ANGPT4: variants seen among roughly 807,000 people sequenced by gnomAD.
The protein encoded by ANGPT4 is angiopoietin 4.
A neutral mutation model predicts 53.0 loss-of-function variants in ANGPT4; 50 were observed. The ratio of observed to expected loss-of-function variants is 0.94; its 90% CI spans 0.75 to 1.20. The LOEUF (loss-of-function observed/expected upper bound fraction) is 1.20. ANGPT4 is among the 50% of genes most tolerant of loss of function. The probability of loss-of-function intolerance (pLI) is 0.00; values close to 1 mark genes in which losing one functional copy is unlikely to be tolerated. For synonymous variants in ANGPT4, 251 were observed against 259.7 expected, an observed-to-expected ratio of 0.97 and a Z score of 0.32; for missense variants, 648 against 637.1, an observed-to-expected ratio of 1.02 and a Z score of -0.18.
intron 4 of ANGPT4, among the ~76,000 whole-genome samples, chr20:883,976 G>A (rs1408360699): frequency 4.6e-5 from 7 of 152,220 alleles, no homozygotes; most frequent in Admixed American, 4.6e-4. Flanking sequence ...AGCCAGGGTG[G>A]AATCTTCTGC....
Position 873,080 on chromosome 20 carries a change from G to A in ANGPT4, c.1392C>T (p.Gly464=), listed in dbSNP as rs151182174. ...FDACGLSNLN[G]VYYHAPDNKY... ...TGTTGTCGGGAGCGTGGTAGTAGAC[G>A]CCGTTGAGGTTTGACAGGCCACAGG... The change falls in exon 9 of 9, where the codon GGC becomes GGT. Residue 464 remains glycine, a synonymous_variant. Transcript: ENST00000381922. The A allele has an allele frequency of 2.0e-5, 32 of 1,613,882 alleles. No homozygotes were observed. The highest frequency in any genetic ancestry group is 1.7e-4 in the African/African-American group (13 of 74,934).
In ANGPT4 at chr20:873,010, TG is replaced by T. The variant is rs1195308746; in HGVS notation, c.1461del (p.Ser488AlafsTer9). On this transcript the variant is annotated frameshift_variant, in exon 9 of 9. Coordinates refer to ENST00000381922, the MANE Select transcript of ANGPT4 (RefSeq NM_015985.4). LOFTEE classifies it high-confidence loss of function. ...ATGCGAGAGGCACGCAGTGAGTAGC[TG>T]GGGCCCTTGAAGTAGTGCCAGCGGA... ...DGIRWHYFKG[P>X]SYSLRASRMM... 2.5e-6 allele frequency: 4 copies of T among 1,614,080 alleles called. No individual in the cohort carries two copies. The South Asian group carries it at 4.4e-5, about 18-fold the overall frequency.
At chr20:886,239 G>C (rs1303388524) in intron 3 of ANGPT4, among the ~76,000 whole-genome samples, 1 of 152,190 alleles carries the variant, frequency 6.6e-6, no homozygotes, top group Non-Finnish European at 1.5e-5. Context: ...AATGAGATAT[G>C]GAAATGTTAC....
At chr20:891,003 T>A (rs1981824618) in intron 1 of ANGPT4, among the ~76,000 whole-genome samples, 1 of 152,242 alleles carries the variant, frequency 6.6e-6, no homozygotes, top group South Asian at 2.1e-4. Flanking sequence ...CTGTCTGTTG[T>A]CTGTTTCTCT....
intron 1 of ANGPT4, among the ~76,000 whole-genome samples, 180 bp from the exon 2 acceptor site, chr20:890,548 G>A (rs1981801020): frequency 6.6e-6 from 1 of 152,094 alleles, no homozygotes; most frequent in Non-Finnish European, 1.5e-5. Flanking sequence ...ATTTTTCCCT[G>A]GGAGGGATTT....
chr20:899,256 T>C (rs2122837540), intron 1 of ANGPT4, among the ~76,000 whole-genome samples: 2 of 152,094 alleles, frequency 1.3e-5, no homozygotes, highest in South Asian at 4.2e-4. Context: ...ACAAAATTTT[T>C]TTTTTTTTTG....
chr20:876,729 C>T (rs189399607), intron 7 of ANGPT4, among the ~76,000 whole-genome samples: 2 of 151,852 alleles, frequency 1.3e-5, no homozygotes, highest in Non-Finnish European at 2.9e-5. Flanking sequence ...TGGGACTCAG[C>T]ATAGTGTTGT....
rs199585280 is a variant in ANGPT4, at chr20:873,062, G to A, written c.1410C>T (p.Pro470=). ...TGCCGTCCATCTTGTACTTGTTGTCGGGAGCGTGGTAGTAGACGCCGTTGA... is the reference window on the plus strand; with the variant it reads ...TGCCGTCCATCTTGTACTTGTTGTCAGGAGCGTGGTAGTAGACGCCGTTGA... ...SNLNGVYYHA[P]DNKYKMDGIR... The change falls in exon 9 of 9, where the codon CCC becomes CCT. Residue 470 remains proline (P), a synonymous_variant. Transcript: ENST00000381922. 46 of 1,613,948 alleles carry A rather than the reference G, an allele frequency of 2.9e-5. No individual in the cohort carries two copies. In the African/African-American group the frequency reaches 3.9e-4, roughly 14 times the overall value.
intron 1 of ANGPT4, among the ~76,000 whole-genome samples, chr20:894,740 A>G (rs1190613036): frequency 6.6e-6 from 1 of 152,158 alleles, no homozygotes; most frequent in Non-Finnish European, 1.5e-5. Context: ...ATCTTCCCCA[A>G]GCTTCTCATT....
chr20:896,633 A>C (rs1982063636), intron 1 of ANGPT4, among the ~76,000 whole-genome samples: 2 of 152,218 alleles, frequency 1.3e-5, no homozygotes, highest in South Asian at 4.1e-4. Context: ...ACTGCAGATA[A>C]AAATCAATGC....
At chr20:886,190 T>C (rs1981614130) in intron 3 of ANGPT4, among the ~76,000 whole-genome samples, 1 of 152,248 alleles carries the variant, frequency 6.6e-6, no homozygotes, top group Non-Finnish European at 1.5e-5. Flanking sequence ...TCTTTCTTTT[T>C]GGACATTTTA....
chr20:886,882 A>G (rs976882463), intron 3 of ANGPT4, among the ~76,000 whole-genome samples: 28 of 152,264 alleles, frequency 1.8e-4, no homozygotes, highest in African/African-American at 6.5e-4. Flanking sequence ...TTGCATATTC[A>G]TAAGAAACCC....
rs144781644 is a variant in ANGPT4 at position 913,452 on chromosome 20, T to C, written c.309+2454A>G. The stretch of plus-strand genomic sequence containing the variant: ...TGCAGCCAGGTCAGCTGAACTCCCA[T>C]ATCAGAGATCTTAGGCCCTACGGCA... On this transcript the variant is annotated intron_variant, in intron 1 of 8. Coordinates refer to ENST00000381922, the MANE Select transcript of ANGPT4 (RefSeq NM_015985.4). 6.1e-3 allele frequency among the ~76,000 whole-genome samples: 923 copies of C among 152,280 alleles called. 9 individuals are homozygous for C. The highest frequency in any genetic ancestry group is 0.021 in the African/African-American group (875 of 41,554).
At chr20:881,351 G>T in intron 4 of ANGPT4, 65 bp from the exon 5 acceptor site, 2 of 1,437,318 alleles carry the variant, frequency 1.4e-6, no homozygotes, top group Non-Finnish European at 1.9e-6. Flanking sequence ...GGCCAAGTGG[G>T]CATGCCTGCC....
intron 1 of ANGPT4, among the ~76,000 whole-genome samples, chr20:907,468 G>C (rs1000065959): frequency 7.2e-5 from 11 of 152,174 alleles, no homozygotes; most frequent in Non-Finnish European, 1.2e-4. Flanking sequence ...GATCTTGGGA[G>C]GTGTTTGCGA....
chr20:879,514 A>G (rs1568826023), intron 6 of ANGPT4, among the ~76,000 whole-genome samples: 1 of 152,076 alleles, frequency 6.6e-6, no homozygotes, highest in Non-Finnish European at 1.5e-5. Context: ...TTTTAAAAAA[A>G]ATTAAAACAA....
At chr20:883,999 G>T (rs1487647691) in intron 4 of ANGPT4, among the ~76,000 whole-genome samples, 1 of 152,218 alleles carries the variant, frequency 6.6e-6, no homozygotes, top group Non-Finnish European at 1.5e-5. Flanking sequence ...TCAAATCCCT[G>T]TCAGCCCTGG....
Position 881,154 on chromosome 20 carries a change from C to A in ANGPT4, c.951+17G>T. The A allele has an allele frequency of 6.4e-7, 1 of 1,552,818 alleles. No individual in the cohort carries two copies. The highest frequency in any genetic ancestry group is 8.7e-7 in the Non-Finnish European group (1 of 1,149,490). On this transcript the variant is annotated intron_variant, in intron 5 of 8. Transcript: ENST00000381922. ...CAGCACCCTCTAACAGCCACAGTTC[C>A]CAGGGAGCCCCCTAACCTTCCTGGG...
chr20:895,377 C>T (rs1982006367), intron 1 of ANGPT4, among the ~76,000 whole-genome samples: 1 of 152,168 alleles, frequency 6.6e-6, no homozygotes, highest in African/African-American at 2.4e-5. Context: ...ATCCCCTTGG[C>T]CCTGGGTTTG....
Sources: allele counts gnomAD v4.1 joint callset (sites outside exome capture counted in the v4.1 genomes callset), GRCh38; gene constraint gnomAD v4.1.1; transcripts MANE v1.5; gene names NCBI Gene and HGNC (gene_info 2026-07-23, HGNC 2026-07-21).